ZNF544: variants seen among roughly 807,000 people sequenced by gnomAD.
ZNF544 encodes zinc finger protein AF020591.
A neutral mutation model predicts 13.5 loss-of-function variants in ZNF544; 10 were observed. The observed-to-expected ratio is 0.74, with a 90% confidence interval of 0.46 to 1.25. The LOEUF (loss-of-function observed/expected upper bound fraction) is 1.25. Among genes scored for constraint, ZNF544 ranks in the 50% most tolerant of loss-of-function variants. The pLI is 0.00. For missense variants in ZNF544, 896 were observed against 845.6 expected, an observed-to-expected ratio of 1.06 and a Z score of -0.74; for synonymous variants, 323 against 300.5, an observed-to-expected ratio of 1.07 and a Z score of -0.77.
chr19:58,246,860 GGCCC>G, intron 6 of ZNF544, 66 bp downstream of exon 6: 1 of 1,495,190 alleles, frequency 6.7e-7, no homozygotes, highest in Non-Finnish European at 9.2e-7. Context: ...CTCTCCGCAG[GGCCC>G]CAGGGGCCAA....
intron 5 of ZNF544, among the ~76,000 whole-genome samples, chr19:58,270,702 A>G (rs2050528237): frequency 6.6e-6 from 1 of 152,206 alleles, no homozygotes; most frequent in Non-Finnish European, 1.5e-5. Flanking sequence ...TGTCACTGAC[A>G]ATGTCAGCCC....
chr19:58,231,297 C>T (rs1568732987), intron 3 of ZNF544, among the ~76,000 whole-genome samples: 1 of 152,154 alleles, frequency 6.6e-6, no homozygotes, highest in African/African-American at 2.4e-5. Flanking sequence ...CTTCTCACTC[C>T]CCAGCCACGA....
intron 3 of ZNF544, among the ~76,000 whole-genome samples, chr19:58,243,120 G>T (rs1418967814): frequency 6.6e-6 from 1 of 152,152 alleles, no homozygotes; most frequent in Non-Finnish European, 1.5e-5. Flanking sequence ...GAGCCACCAT[G>T]CTGGCCTTTG....
At chr19:58,243,898 G>A in intron 3 of ZNF544, 67 bp from the exon 4 acceptor site, 1 of 1,332,248 alleles carries the variant, frequency 7.5e-7, no homozygotes, top group Non-Finnish European at 1.0e-6. Context: ...CGTTCTCTAG[G>A]GTGGGTGTTG....
At position 58,246,201 on chromosome 19, in the gene ZNF544, G is replaced by A. The variant is rs1023204665; in HGVS notation, c.34-100G>A. Reference sequence around the variant, plus strand: ...CACTGGGTATTAGGTTCCAATGTATGAATTTTACGGGGGGACACCAACATT... The same window carrying A: ...CACTGGGTATTAGGTTCCAATGTATAAATTTTACGGGGGGACACCAACATT... On this transcript the variant is annotated intron_variant, in intron 4 of 6. Coordinates refer to ENST00000687789, the MANE Select transcript of ZNF544 (RefSeq NM_014480.4). 10 of 1,534,748 alleles carry A rather than the reference G, an allele frequency of 6.5e-6. No individual in the cohort carries two copies. In the Admixed American group the frequency reaches 1.2e-4, roughly 18 times the overall value.
At chr19:58,255,533 A>G (rs1182138173) in intron 6 of ZNF544, among the ~76,000 whole-genome samples, 1 of 152,214 alleles carries the variant, frequency 6.6e-6, no homozygotes, top group African/African-American at 2.4e-5. Context: ...AGAAGCAATG[A>G]CCGTCAACCT....
In ZNF544 at chr19:58,260,948, G is replaced by A. The variant is rs529055541; in HGVS notation, c.342G>A (p.Pro114=). 71 of 1,614,166 alleles carry A rather than the reference G, an allele frequency of 4.4e-5. 1 individual carries two copies. Among genetic ancestry groups the A allele is most frequent in the South Asian group, 3.3e-4 (30 of 91,080 alleles). ...SHHVEVYRSG[P]EEPPSLVLGK... is the part of the protein sequence containing the mutation. ...ACGTGGAAGTGTACAGGAGTGGACC[G>A]GAGGAGCCACCCTCTTTGGTATTAG... Residue 114 remains proline, a synonymous_variant, in exon 7 of 7, where the codon CCG becomes CCA. Transcript: ENST00000687789.
At chr19:58,277,225 G>A in exon 7 of ZNF544, 1 of 742,198 alleles carries the variant, frequency 1.3e-6, no homozygotes, top group Non-Finnish European at 1.6e-6. Context: ...AGGGCCAGAA[G>A]GATCTGAGAG....
intron 3 of ZNF544, among the ~76,000 whole-genome samples, chr19:58,240,818 C>A (rs866766979): frequency 3.3e-5 from 5 of 151,552 alleles, no homozygotes; most frequent in Non-Finnish European, 5.9e-5. Flanking sequence ...ACCAGCCCTG[C>A]ACATTCCCTG....
chr19:58,258,960 A>T (rs955727790), intron 6 of ZNF544: 40 of 152,300 alleles, frequency 2.6e-4, no homozygotes, highest in African/African-American at 8.9e-4. Flanking sequence ...AACAGAGAGG[A>T]ATCCCCACCA....
chr19:58,275,169 G>T (rs1241675327), intron 5 of ZNF544, among the ~76,000 whole-genome samples: 1 of 152,004 alleles, frequency 6.6e-6, no homozygotes, highest in African/African-American at 2.4e-5. Context: ...AACAATGTTG[G>T]GTGTGACTCA....
Position 58,261,073 on chromosome 19 carries a change from A to G in ZNF544, c.467A>G (p.His156Arg), listed in dbSNP as rs2048834401. ...GAGAGACTGTTTGCTCAAAGGGAAC[A>G]TTGTGAGCTTGAACTTGGGGGAGGT... ...TSERLFAQRE[H>R]CELELGGGYS... Residue 156 changes from histidine to arginine, a missense_variant, in exon 7 of 7, where the codon CAT becomes CGT. Physicochemically the swap from His to Arg is conservative, Grantham distance 29. Transcript: ENST00000687789. 3.1e-6 allele frequency: 5 copies of G among 1,614,200 alleles called. No individual in the cohort carries two copies. The highest frequency in any genetic ancestry group is 1.7e-5 in the Admixed American group (1 of 60,018).
downstream of ZNF544, among the ~76,000 whole-genome samples, chr19:58,264,764 G>A (rs1248947379): frequency 6.6e-6 from 1 of 152,140 alleles, no homozygotes; most frequent in Non-Finnish European, 1.5e-5. Context: ...AGCACTTTGG[G>A]AGACCGAGCG....
intron 4 of ZNF544, 111 bp downstream of exon 4, chr19:58,244,167 GCCAGTGCTTC>G (rs1242421714): frequency 2.3e-6 from 2 of 869,010 alleles, no homozygotes; most frequent in African/African-American, 3.5e-5. Flanking sequence ...CGCAGTGCTG[GCCAGTGCTTC>G]CCAGTGAAAT....
At chr19:58,270,245 T>C (rs963949071) in intron 5 of ZNF544, among the ~76,000 whole-genome samples, 2 of 152,018 alleles carry the variant, frequency 1.3e-5, no homozygotes, top group Non-Finnish European at 2.9e-5. Flanking sequence ...AGTCAGATTG[T>C]TGATTGACCC....
intron 6 of ZNF544, among the ~76,000 whole-genome samples, chr19:58,253,221 A>C (rs1328735401): frequency 6.6e-6 from 1 of 152,200 alleles, no homozygotes; most frequent in Non-Finnish European, 1.5e-5. Context: ...CATTTATCCC[A>C]ATTTCATTTA....
At chr19:58,244,107 T>G (rs2146994665) in intron 4 of ZNF544, 51 bp downstream of exon 4, 3 of 1,538,604 alleles carry the variant, frequency 1.9e-6, no homozygotes, top group South Asian at 1.2e-5. Flanking sequence ...AGATGTAAAA[T>G]GGGTCCAGGA....
rs930650825 is a variant in ZNF544, at chr19:58,275,085, T to C, written c.245-1238T>C. Among the ~76,000 whole-genome samples the C allele has an allele frequency of 2.0e-5, 3 of 152,162 alleles. No homozygotes were observed. In the East Asian group the frequency reaches 5.8e-4, roughly 29 times the overall value. On this transcript the variant is annotated intron_variant, in intron 5 of 6. Coordinates refer to the ZNF544 transcript ENST00000595981. ...GGTGGGGCAGGGGGAGGGTGGTGCC[T>C]GAAATCCCCTCCTTTTCCAGATACC...
rs1600446679 is a variant in ZNF544 at position 58,277,285 on chromosome 19, G to A, written c.*34G>A. On this transcript the variant is annotated 3_prime_UTR_variant, in exon 7 of 7. Transcript: ENST00000595981. ...GAGTCGGCCAGAAGGATCTGAGAGA[G>A]TGTGGCCAGCTTGAGCCCCTCGGGA... 4.1e-6 allele frequency: 5 copies of A among 1,212,894 alleles called. No individual in the cohort carries two copies. The East Asian group carries it at 1.6e-4, about 39-fold the overall frequency. The allele number at this position is 1,212,894 out of a possible 1,614,324, so 75.1% of individuals were successfully genotyped here.
Sources: gnomAD v4.1 joint callset for allele counts (sites outside exome capture counted in the v4.1 genomes callset) on GRCh38, gnomAD v4.1.1 for gene constraint, MANE v1.5 for transcripts, NCBI Gene and HGNC (gene_info 2026-07-23, HGNC 2026-07-21) for gene names.